CHST8: variants seen among roughly 807,000 people sequenced by gnomAD.
CHST8 encodes the protein GALNAC-4-ST1.
Under a neutral mutation model 15.0 loss-of-function variants are expected in CHST8, and 10 were observed. That is an observed-to-expected ratio of 0.67 (90% CI 0.41 to 1.13). The LOEUF (loss-of-function observed/expected upper bound fraction) is 1.13, where lower values mean the gene tolerates loss of function less well. Ranked by LOEUF, CHST8 falls within the 50% of genes most tolerant of loss-of-function variation. The pLI, the probability that CHST8 is intolerant of heterozygous loss-of-function variation, is 0.00. For missense variants in CHST8, 634 were observed against 608.2 expected, an observed-to-expected ratio of 1.04 and a Z score of -0.45; for synonymous variants, 259 against 256.6, an observed-to-expected ratio of 1.01 and a Z score of -0.09.
At chr19:33,646,914 C>G (rs1972362534) in intron 1 of CHST8, among the ~76,000 whole-genome samples, 1 of 152,046 alleles carries the variant, frequency 6.6e-6, no homozygotes, top group Non-Finnish European at 1.5e-5. Flanking sequence ...GACTCTGTCT[C>G]AAAATAACTA....
At chr19:33,664,291 T>A (rs1972624541) in intron 1 of CHST8, among the ~76,000 whole-genome samples, 1 of 151,922 alleles carries the variant, frequency 6.6e-6, no homozygotes, top group South Asian at 2.1e-4. Context: ...TTTATTTATT[T>A]ATTATTATTA....
intron 3 of CHST8, among the ~76,000 whole-genome samples, chr19:33,702,411 T>C (rs1472876000): frequency 8.5e-5 from 13 of 152,202 alleles, no homozygotes; most frequent in Non-Finnish European, 1.2e-4. Flanking sequence ...TATTCTACCA[T>C]TTTTCTCAAA....
chr19:33,730,203 A>G (rs1973970175), intron 3 of CHST8, among the ~76,000 whole-genome samples: 2 of 152,164 alleles, frequency 1.3e-5, no homozygotes, highest in Admixed American at 1.3e-4. Flanking sequence ...CCGGCGTGCA[A>G]TTCTTGCCAA....
At chr19:33,655,876 T>C (rs974798450) in intron 1 of CHST8, among the ~76,000 whole-genome samples, 2 of 152,200 alleles carry the variant, frequency 1.3e-5, no homozygotes, top group Admixed American at 1.3e-4. Context: ...TTCAACTCTT[T>C]TAAAAATCAG....
chr19:33,734,926 C>G (rs574761851), intron 3 of CHST8, among the ~76,000 whole-genome samples: 1 of 152,282 alleles, frequency 6.6e-6, no homozygotes, highest in African/African-American at 2.4e-5. Flanking sequence ...TCAAGCTGAA[C>G]AGAGGGTAAA....
At chr19:33,706,325 AAG>A (rs1425670829) in intron 3 of CHST8, among the ~76,000 whole-genome samples, 9 of 152,288 alleles carry the variant, frequency 5.9e-5, no homozygotes, top group African/African-American at 2.2e-4. Context: ...TGTCCTGATG[AAG>A]AGTCAGGTGC....
chr19:33,676,037 C>T (rs879940284), intron 2 of CHST8, among the ~76,000 whole-genome samples: 14 of 151,972 alleles, frequency 9.2e-5, no homozygotes, highest in Non-Finnish European at 1.6e-4. Flanking sequence ...ATTGCCTCCT[C>T]TTTCATTGTA....
At position 33,689,374 on chromosome 19, in the gene CHST8, C is replaced by A; in HGVS notation, c.113C>A (p.Ala38Asp). The A allele has an allele frequency of 1.3e-6, 2 of 1,597,868 alleles. No homozygotes were observed. Among genetic ancestry groups the A allele is most frequent in the South Asian group, 2.2e-5 (2 of 89,190 alleles). ...FISLQDPTELAPQQVPGIKFN... is the reference protein window; with the variant it reads ...FISLQDPTELDPQQVPGIKFN... ...AGCCTGCAGGACCCTACGGAGCTCG[C>A]CCCCCAGCAGGTGCCAGGTGAGTCC... Residue 38 changes from alanine (A) to aspartate (D), a missense_variant, in exon 3 of 5, where the codon GCC becomes GAC. By Grantham distance (126) the Ala-to-Asp change is moderately radical. Transcript: ENST00000650847.
chr19:33,757,504 A>AG (rs1974604981), intron 3 of CHST8, among the ~76,000 whole-genome samples: 2 of 49,326 alleles, frequency 4.1e-5, no homozygotes, highest in Non-Finnish European at 8.4e-5. Flanking sequence ...GAAAGAAAGA[A>AG]AGAAAGAAAG....
At chr19:33,738,879 C>T (rs1425650583) in intron 3 of CHST8, among the ~76,000 whole-genome samples, 29 of 152,268 alleles carry the variant, frequency 1.9e-4, no homozygotes, top group Admixed American at 1.6e-3. Context: ...CATGAGCCAC[C>T]GTGCCCGGCC....
rs1491464750 is a variant in CHST8, at chr19:33,757,520, A to AAGAGAGAG, written c.131-13888_131-13887insGAGAGAGA. 3.9e-4 allele frequency among the ~76,000 whole-genome samples: 8 copies of AAGAGAGAG among 20,694 alleles called. 2 individuals carry two copies. Among genetic ancestry groups the AAGAGAGAG allele is most frequent in the African/African-American group, 1.2e-3 (5 of 4,070 alleles). 13.6% of individuals were successfully genotyped at this position (20,694 alleles called of 152,430 possible). ...AAAGAAAGAAAGAAAGAAAGAAAGA[A>AAGAGAGAG]AGAGAAAGAAAGAAAGAAAGAAAGA... is the stretch of plus-strand genomic sequence containing the variant. On this transcript the variant is annotated intron_variant, in intron 3 of 4. Transcript: ENST00000650847.
At chr19:33,767,589 C>T (rs190057043) in intron 3 of CHST8, among the ~76,000 whole-genome samples, 377 of 152,336 alleles carry the variant, frequency 2.5e-3, no homozygotes, top group Admixed American at 8.2e-3. Flanking sequence ...CTTATCATAG[C>T]GCATGTGTTC....
chr19:33,714,949 C>T (rs1973637352), intron 3 of CHST8, among the ~76,000 whole-genome samples: 3 of 152,168 alleles, frequency 2.0e-5, no homozygotes, highest in African/African-American at 4.8e-5. Flanking sequence ...ATGGACAATA[C>T]ACCTCTGCAG....
At chr19:33,703,595 A>G (rs1973387096) in intron 3 of CHST8, among the ~76,000 whole-genome samples, 1 of 152,200 alleles carries the variant, frequency 6.6e-6, no homozygotes, top group South Asian at 2.1e-4. Context: ...CTGGGCTCCA[A>G]CTGCCTGCCG....
At chr19:33,702,628 G>A (rs1017897541) in intron 3 of CHST8, among the ~76,000 whole-genome samples, 18 of 152,218 alleles carry the variant, frequency 1.2e-4, no homozygotes, top group African/African-American at 1.7e-4. Flanking sequence ...CTTGTCCTGC[G>A]TCCCCAGGTA....
intron 3 of CHST8, among the ~76,000 whole-genome samples, chr19:33,729,432 C>T (rs540205676): frequency 4.5e-4 from 68 of 152,318 alleles, no homozygotes; most frequent in African/African-American, 1.4e-3. Context: ...AGTCACAGCG[C>T]GTGTGTAACT....
chr19:33,648,880 A>T (rs1416534705), intron 1 of CHST8, among the ~76,000 whole-genome samples: 1 of 149,962 alleles, frequency 6.7e-6, no homozygotes, highest in African/African-American at 2.5e-5. Context: ...AATATTATTC[A>T]GGCGTAAAAA....
intron 2 of CHST8, among the ~76,000 whole-genome samples, chr19:33,669,112 C>A (rs1025101879): frequency 1.3e-5 from 2 of 152,206 alleles, no homozygotes; most frequent in African/African-American, 4.8e-5. Context: ...CACCAGTGCA[C>A]TGTGCTCATG....
At chr19:33,749,660 T>G (rs1974377429) in intron 3 of CHST8, among the ~76,000 whole-genome samples, 1 of 152,004 alleles carries the variant, frequency 6.6e-6, no homozygotes, top group Admixed American at 6.5e-5. Context: ...GGGCAGGTCC[T>G]GCAGCCCTCA....
Sources: allele counts gnomAD v4.1 joint callset (sites outside exome capture counted in the v4.1 genomes callset), GRCh38; gene constraint gnomAD v4.1.1; transcripts MANE v1.5; gene names NCBI Gene and HGNC (gene_info 2026-07-23, HGNC 2026-07-21).